CADM1: variants seen among roughly 807,000 people sequenced by gnomAD.
CADM1 encodes the protein TSLC-1.
Under a neutral mutation model 53.1 loss-of-function variants are expected in CADM1, and 15 were observed. The observed-to-expected ratio is 0.28, with a 90% CI of 0.19 to 0.44. The LOEUF (loss-of-function observed/expected upper bound fraction) is 0.44, where lower values mean the gene tolerates loss of function less well. Among genes scored for constraint, CADM1 ranks in the 20% least tolerant of loss-of-function variants. CADM1 has a pLI of 1.00. For synonymous variants in CADM1, 281 were observed against 243.0 expected, an observed-to-expected ratio of 1.16 and a Z score of -1.45; for missense variants, 434 against 611.3, an observed-to-expected ratio of 0.71 and a Z score of 3.06.
intron 1 of CADM1, among the ~76,000 whole-genome samples, chr11:115,502,973 C>T (rs943585920): frequency 1.3e-5 from 2 of 152,202 alleles, no homozygotes; most frequent in Non-Finnish European, 2.9e-5. Context: ...CTCCCGGGTC[C>T]TGCAGCTCTG....
chr11:115,426,574 G>A (rs769777824), intron 1 of CADM1, among the ~76,000 whole-genome samples: 11 of 152,108 alleles, frequency 7.2e-5, no homozygotes, highest in Non-Finnish European at 1.2e-4. Flanking sequence ...TGTACTTAGC[G>A]CAGAAACACC....
chr11:115,344,864 G>GTTT (rs1407702777), intron 1 of CADM1, among the ~76,000 whole-genome samples: 2 of 152,014 alleles, frequency 1.3e-5, no homozygotes, highest in Non-Finnish European at 2.9e-5. Context: ...TCCCCATTAC[G>GTTT]TGTCTACAGA....
intron 1 of CADM1, among the ~76,000 whole-genome samples, chr11:115,304,237 G>A (rs533790969): frequency 2.0e-4 from 30 of 152,136 alleles, no homozygotes; most frequent in Middle Eastern, 3.4e-3. Flanking sequence ...AACTCTAAAT[G>A]AAGAATGACA....
chr11:115,313,813 A>T (rs1273202305), intron 1 of CADM1, among the ~76,000 whole-genome samples: 1 of 152,118 alleles, frequency 6.6e-6, no homozygotes, highest in African/African-American at 2.4e-5. Flanking sequence ...AAACAGTAAC[A>T]CCAGAGTGCC....
At chr11:115,374,590 A>G (rs1040933996) in intron 1 of CADM1, among the ~76,000 whole-genome samples, 4 of 152,192 alleles carry the variant, frequency 2.6e-5, no homozygotes, top group African/African-American at 9.6e-5. Context: ...TCACATGCAT[A>G]CAAAAAGGTA....
In CADM1 at chr11:115,228,034, T is replaced by A. The variant is rs1236119297; in HGVS notation, c.721+1079A>T. Among the ~76,000 whole-genome samples the A allele has an allele frequency of 5.3e-5, 8 of 152,268 alleles. No homozygotes were observed. In the South Asian group the frequency reaches 1.7e-3, roughly 32 times the overall value. On this transcript the variant is annotated intron_variant, in intron 5 of 11. Transcript: ENST00000331581. ...TGAGCCCTACATCCAATGACAAGTG[T>A]CCTCAGAAAAACACACAGACGAGAG...
chr11:115,427,621 A>T (rs866710596), intron 1 of CADM1, among the ~76,000 whole-genome samples: 1 of 152,226 alleles, frequency 6.6e-6, no homozygotes, highest in Non-Finnish European at 1.5e-5. Flanking sequence ...AGACTTTAGC[A>T]TTATCTAAAA....
chr11:115,230,518 A>G (rs1177310774), intron 4 of CADM1, among the ~76,000 whole-genome samples: 2 of 152,224 alleles, frequency 1.3e-5, no homozygotes, highest in Admixed American at 1.3e-4. Context: ...AAAAGGAAGG[A>G]ATCTCAATGC....
At chr11:115,407,781 G>A (rs1442581044) in intron 1 of CADM1, among the ~76,000 whole-genome samples, 1 of 149,914 alleles carries the variant, frequency 6.7e-6, no homozygotes, top group Non-Finnish European at 1.5e-5. Flanking sequence ...AAGGAAGGAG[G>A]GTCACCTGAG....
intron 1 of CADM1, among the ~76,000 whole-genome samples, chr11:115,404,916 A>G (rs1947276373): frequency 6.6e-6 from 1 of 152,136 alleles, no homozygotes; most frequent in African/African-American, 2.4e-5. Context: ...GGCATTAGGA[A>G]ACTGAGAGAA....
At chr11:115,451,719 G>A (rs1222856837) in intron 1 of CADM1, among the ~76,000 whole-genome samples, 1 of 152,250 alleles carries the variant, frequency 6.6e-6, no homozygotes, top group East Asian at 1.9e-4. Flanking sequence ...GGAAATGGGG[G>A]AAACAGTTTT....
In CADM1 at chr11:115,504,304, A is replaced by G. The variant is rs746206786; in HGVS notation, c.91T>C (p.Leu31=). 13 of 1,564,482 alleles carry G rather than the reference A, an allele frequency of 8.3e-6. No individual in the cohort carries two copies. The Middle Eastern group carries it at 5.0e-4, about 60-fold the overall frequency. The part of the protein sequence containing the change: ...PPGLRLRLLL[L]LFSAAALIPT... ...ATCAGTGCCGCGGCGGAGAAGAGCA[A>G]CAGCAGAAGCCGGAGCCGGAGCCCG... The change falls in exon 1 of 12, where the codon TTG becomes CTG. Residue 31 remains leucine (L), a synonymous_variant. Transcript: ENST00000331581.
chr11:115,376,737 A>G (rs1476811375), intron 1 of CADM1, among the ~76,000 whole-genome samples: 1 of 152,182 alleles, frequency 6.6e-6, no homozygotes, highest in Non-Finnish European at 1.5e-5. Flanking sequence ...CATGAAAAGT[A>G]CATGAAGCTC....
At chr11:115,326,509 T>C (rs2135201040) in intron 1 of CADM1, among the ~76,000 whole-genome samples, 1 of 152,316 alleles carries the variant, frequency 6.6e-6, no homozygotes, top group South Asian at 2.1e-4. Flanking sequence ...AATATTTCAC[T>C]AAATATCTTC....
chr11:115,230,631 G>A (rs1941781276), intron 4 of CADM1, among the ~76,000 whole-genome samples: 1 of 152,186 alleles, frequency 6.6e-6, no homozygotes, highest in Non-Finnish European at 1.5e-5. Context: ...GGTATTTGAG[G>A]ATCCAGGACC....
At chr11:115,323,254 T>A (rs988950334) in intron 1 of CADM1, among the ~76,000 whole-genome samples, 10 of 152,200 alleles carry the variant, frequency 6.6e-5, no homozygotes, top group Admixed American at 6.6e-4. Flanking sequence ...GTATTATAAT[T>A]TTGAGCAACT....
At chr11:115,224,655 G>C (rs1037628436) in intron 5 of CADM1, among the ~76,000 whole-genome samples, 35 of 152,140 alleles carry the variant, frequency 2.3e-4, no homozygotes, top group African/African-American at 8.2e-4. Context: ...CCAGAGGAAG[G>C]CTTTCCTCCC....
chr11:115,303,719 TC>T (rs1297405917), intron 1 of CADM1, among the ~76,000 whole-genome samples: 2 of 151,966 alleles, frequency 1.3e-5, no homozygotes, highest in Non-Finnish European at 2.9e-5. Flanking sequence ...CAGATTTTAC[TC>T]CCCCTCCCCA....
rs1591712567 is a variant in CADM1 at position 115,328,682 on chromosome 11, A to ATATATGTGTG, written c.125-88263_125-88262insCACACATATA. The stretch of plus-strand genomic sequence containing the variant: ...ACACGCACACTATATATATATGTGT[A>ATATATGTGTG]TATATATGTGTATATATATGTATAT... On this transcript the variant is annotated intron_variant, in intron 1 of 11. Coordinates refer to ENST00000331581, the MANE Select transcript of CADM1 (RefSeq NM_001301043.2). Among the ~76,000 whole-genome samples, 11 of 49,482 alleles carry ATATATGTGTG rather than the reference A, an allele frequency of 2.2e-4. No homozygotes were observed. The East Asian group carries it at 3.9e-3, about 18-fold the overall frequency. 32.5% of individuals were successfully genotyped at this position (49,482 alleles called of 152,430 possible).
Sources: allele counts gnomAD v4.1 joint callset (sites outside exome capture counted in the v4.1 genomes callset), GRCh38; gene constraint gnomAD v4.1.1; transcripts MANE v1.5; gene names NCBI Gene and HGNC (gene_info 2026-07-23, HGNC 2026-07-21).